SHMT1: variants seen among roughly 807,000 people sequenced by gnomAD.
SHMT1 encodes serine hydroxymethyltransferase, cytosolic.
SHMT1 carries 45 observed loss-of-function variants against 49.0 expected under a neutral mutation model. The observed-to-expected ratio is 0.92, with a 90% CI of 0.72 to 1.18. The LOEUF (loss-of-function observed/expected upper bound fraction) is 1.18. SHMT1 is among the 50% of genes most tolerant of loss of function. The pLI is 0.00. For synonymous variants in SHMT1, 232 were observed against 246.6 expected, an observed-to-expected ratio of 0.94 and a Z score of 0.55; for missense variants, 541 against 612.4, an observed-to-expected ratio of 0.88 and a Z score of 1.23.
Position 18,333,211 on chromosome 17 carries a change from C to CCA in SHMT1, c.1008_1009insTG (p.Ala337TrpfsTer7). The CCA allele has an allele frequency of 6.2e-7, 1 of 1,614,060 alleles. No individual in the cohort carries two copies. Among genetic ancestry groups the CCA allele is most frequent in the Non-Finnish European group, 8.5e-7 (1 of 1,179,990 alleles). On this transcript the variant is annotated frameshift_variant, in exon 9 of 12. Coordinates refer to ENST00000316694, the MANE Select transcript of SHMT1 (RefSeq NM_004169.5). LOFTEE classifies it high-confidence loss of function. ...AGCTCCGTCAGGGCCTCAGACAGAG[C>CCA]CCTGCAGTTGGCCACCACCTGGTGT... is the stretch of plus-strand genomic sequence containing the variant.
At chr17:18,350,729 C>T (rs78521434) in intron 3 of SHMT1, among the ~76,000 whole-genome samples, 16,578 of 151,512 alleles carry the variant, frequency 0.11, 1,016 homozygotes, top group South Asian at 0.18. Flanking sequence ...TAGGTCAACA[C>T]TGTTTTCTTT....
At chr17:18,345,295 T>C (rs936486979) in intron 5 of SHMT1, among the ~76,000 whole-genome samples, 4 of 152,174 alleles carry the variant, frequency 2.6e-5, no homozygotes, top group African/African-American at 9.7e-5. Context: ...TCTTGCTCTG[T>C]CACCTAGGCT....
chr17:18,344,528 A>T (rs903546794), intron 5 of SHMT1, among the ~76,000 whole-genome samples: 27 of 151,100 alleles, frequency 1.8e-4, no homozygotes, highest in South Asian at 4.2e-4. Context: ...AAAAAGATTT[A>T]AAAAAAATGG....
At chr17:18,335,499 G>T in intron 8 of SHMT1, 60 bp downstream of exon 8, 2 of 1,201,694 alleles carry the variant, frequency 1.7e-6, no homozygotes, top group Middle Eastern at 2.8e-4. Flanking sequence ...CACGATTTTG[G>T]AGGACAGGTG....
Position 18,348,311 on chromosome 17 carries a change from G to C in SHMT1, c.358+14C>G. ...TGAAGAGGCTGCACCAGGCCATATG[G>C]ATGAGACAAGCACCTGAGTAGGGCT... On this transcript the variant is annotated intron_variant, in intron 4 of 11. Coordinates refer to ENST00000316694, the MANE Select transcript of SHMT1 (RefSeq NM_004169.5). 1 of 1,552,232 alleles carries C rather than the reference G, an allele frequency of 6.4e-7. No homozygotes were observed. Among genetic ancestry groups the C allele is most frequent in the Non-Finnish European group, 8.9e-7 (1 of 1,123,998 alleles).
chr17:18,338,581 C>T (rs1286813157), intron 7 of SHMT1, among the ~76,000 whole-genome samples: 3 of 152,222 alleles, frequency 2.0e-5, no homozygotes, highest in South Asian at 2.1e-4. Context: ...TCATTGAGAA[C>T]AGGCCATGAT....
chr17:18,362,130 G>A (rs1986832657), intron 1 of SHMT1, among the ~76,000 whole-genome samples: 1 of 152,140 alleles, frequency 6.6e-6, no homozygotes, highest in Admixed American at 6.6e-5. Flanking sequence ...TACAGAAGAG[G>A]AAATTGAGGC....
chr17:18,340,662 T>G lies in SHMT1; in HGVS notation c.601+70A>C, dbSNP rs752383059. 1.4e-6 allele frequency: 2 copies of G among 1,401,482 alleles called. No homozygotes were observed. The highest frequency in any genetic ancestry group is 2.0e-6 in the Non-Finnish European group (2 of 1,006,518). The allele number at this position is 1,401,482 out of a possible 1,614,324, so 86.8% of individuals were successfully genotyped here. A position where few individuals can be genotyped will look rare whatever the true frequency, so the allele number is the denominator to read the frequency against. ...GTGGGCTCAACAGGGTGCGAACATCTTTCCATCCTCATTCTGTAAGAGGCA... is the reference window on the plus strand; with the variant it reads ...GTGGGCTCAACAGGGTGCGAACATCGTTCCATCCTCATTCTGTAAGAGGCA... On this transcript the variant is annotated intron_variant, in intron 6 of 11. Coordinates refer to ENST00000316694, the MANE Select transcript of SHMT1 (RefSeq NM_004169.5). This position sits in a 1 kb window ranked among gnomAD's most constrained non-coding sequence, Gnocchi z 4.5.
At chr17:18,338,324 A>G (rs8070633) in intron 7 of SHMT1, among the ~76,000 whole-genome samples, 53,064 of 147,780 alleles carry the variant, frequency 0.36, 10,775 homozygotes, top group African/African-American at 0.52. Context: ...AGTGAGGAGC[A>G]TCTCTGCCCG....
chr17:18,334,611 G>A (rs1598019547), intron 8 of SHMT1, among the ~76,000 whole-genome samples: 4 of 152,184 alleles, frequency 2.6e-5, no homozygotes, highest in African/African-American at 4.8e-5. Context: ...TGCAGCCTTC[G>A]TCCTACCCTG....
rs1200000022 is a variant in SHMT1, at chr17:18,329,274, T to C, written c.1282+4A>G. ...TGTGGCAACTTCCAAACTTTTATCC[T>C]TACCTCTGTGAATAAAGTGGGCTAC... is the stretch of plus-strand genomic sequence containing the variant. On this transcript the variant is annotated splice_donor_region_variant and intron_variant, in intron 11 of 11. Transcript: ENST00000316694. 1 of 1,601,234 alleles carries C rather than the reference T, an allele frequency of 6.2e-7. No homozygotes were observed.
intron 1 of SHMT1, among the ~76,000 whole-genome samples, chr17:18,358,598 T>C (rs894637995): frequency 6.6e-6 from 1 of 152,012 alleles, no homozygotes; most frequent in African/African-American, 2.4e-5. Flanking sequence ...CCTGTGAAGC[T>C]GTTAGTTAAA....
At chr17:18,346,352 C>A (rs1364050275) in intron 5 of SHMT1, among the ~76,000 whole-genome samples, 1 of 152,232 alleles carries the variant, frequency 6.6e-6, no homozygotes, top group East Asian at 1.9e-4. Context: ...CAAGTTACCT[C>A]TTCTTCCCAT....
intron 3 of SHMT1, among the ~76,000 whole-genome samples, chr17:18,351,723 G>A (rs1044738812): frequency 7.9e-5 from 12 of 151,874 alleles, no homozygotes; most frequent in African/African-American, 1.2e-4. Context: ...GCAGTGAGCC[G>A]AGATTGTGCC....
chr17:18,343,317 CAT>C (rs1246380094), intron 5 of SHMT1, among the ~76,000 whole-genome samples: 2 of 151,636 alleles, frequency 1.3e-5, no homozygotes, highest in Non-Finnish European at 2.9e-5. Flanking sequence ...CTTCTATAAA[CAT>C]ATGGGTCAGC....
chr17:18,334,290 T>C (rs771928739), intron 8 of SHMT1, among the ~76,000 whole-genome samples: 1 of 152,094 alleles, frequency 6.6e-6, no homozygotes, highest in East Asian at 1.9e-4. Flanking sequence ...GCTTTCTTCA[T>C]GTTGGCCAGG....
In SHMT1 at chr17:18,333,294, C is replaced by G. The variant is rs1567770608; in HGVS notation, c.932-6G>C. 8.1e-6 allele frequency: 13 copies of G among 1,612,686 alleles called. No homozygotes were observed. The highest frequency in any genetic ancestry group is 2.2e-5 in the East Asian group (1 of 44,892). On this transcript the variant is annotated splice_polypyrimidine_tract_variant and splice_region_variant and intron_variant, in intron 8 of 11. Transcript: ENST00000316694. ...CTTCAGTGCCACAGCAACCCCTGGA[C>G]AAGAAGAGACAATGGGTCAGGAGGC... is the stretch of plus-strand genomic sequence containing the variant.
At chr17:18,341,048 A>G in intron 5 of SHMT1, 1 of 568,116 alleles carries the variant, frequency 1.8e-6, no homozygotes, top group South Asian at 2.0e-5. Flanking sequence ...CTGCTGGGGC[A>G]CTACCTGCTG....
At chr17:18,332,126 C>T (rs1180178414) in intron 9 of SHMT1, 1 of 152,232 alleles carries the variant, frequency 6.6e-6, no homozygotes, top group African/African-American at 2.4e-5. Flanking sequence ...AGTACTAGTC[C>T]GTGGCCCGGA....
Sources: gnomAD v4.1 joint callset for allele counts (sites outside exome capture counted in the v4.1 genomes callset) on GRCh38, gnomAD v4.1.1 for gene constraint, Gnocchi (gnomAD v3.1) non-coding constraint, MANE v1.5 for transcripts, NCBI Gene and HGNC (gene_info 2026-07-23, HGNC 2026-07-21) for gene names.